The following GALNT13 variants were observed in gnomAD, a reference collection of about 807,000 sequenced individuals.
The protein encoded by GALNT13 is polypeptide N-acetylgalactosaminyltransferase 13.
In GALNT13, 28 loss-of-function variants were observed where a neutral mutation model predicts 64.2. That is an observed-to-expected ratio of 0.44 (90% CI 0.32 to 0.60). GALNT13 has a LOEUF of 0.60. Among genes scored for constraint, GALNT13 ranks in the 20% least tolerant of loss-of-function variants. The probability of loss-of-function intolerance (pLI) is 0.05; values close to 1 mark genes in which losing one functional copy is unlikely to be tolerated. For missense variants in GALNT13, 577 were observed against 669.8 expected (o/e 0.86, Z 1.53); for synonymous variants, 214 against 224.6 (o/e 0.95, Z 0.42).
the GALNT13 span, among the ~76,000 whole-genome samples, chr2:153,158,711 A>G: frequency 2.0e-5 from 3 of 152,178 alleles, no homozygotes; most frequent in Non-Finnish European, 2.9e-5. Context: ...ATTCTATTGT[A>G]TGGGATCTTT....
chr2:153,116,361 T>C, the GALNT13 span, among the ~76,000 whole-genome samples: 4 of 152,108 alleles, frequency 2.6e-5, no homozygotes, highest in Non-Finnish European at 4.4e-5. Flanking sequence ...CTGGAACATA[T>C]AATGTATATT....
chr2:153,082,950 T>C, the GALNT13 span, among the ~76,000 whole-genome samples: 2 of 151,686 alleles, frequency 1.3e-5, no homozygotes, highest in East Asian at 3.9e-4. Context: ...TGCCTCAGCC[T>C]CCCAAGTGTC....
chr2:153,672,882 A>C, the GALNT13 span, among the ~76,000 whole-genome samples: 1 of 152,120 alleles, frequency 6.6e-6, no homozygotes, highest in South Asian at 2.1e-4. Flanking sequence ...GGATATCACT[A>C]CTGATCCCAC....
intron 2 of GALNT13, among the ~76,000 whole-genome samples, chr2:153,941,860 A>C (rs1691361732): frequency 6.6e-6 from 1 of 152,184 alleles, no homozygotes; most frequent in Non-Finnish European, 1.5e-5. Context: ...TTAAACAGCA[A>C]CTTAGTTTTT....
At chr2:153,203,670 A>G in the GALNT13 span, among the ~76,000 whole-genome samples, 271 of 152,298 alleles carry the variant, frequency 1.8e-3, 7 homozygotes, top group East Asian at 0.047. Flanking sequence ...ACAGTTGCCT[A>G]AGACTAATTT....
chr2:153,693,795 G>A, the GALNT13 span, among the ~76,000 whole-genome samples: 1 of 151,966 alleles, frequency 6.6e-6, no homozygotes, highest in African/African-American at 2.4e-5. Context: ...TTCATCTCAC[G>A]CTCAGTAAAT....
At chr2:154,374,084 C>G (rs992074762) in intron 9 of GALNT13, among the ~76,000 whole-genome samples, 1 of 152,130 alleles carries the variant, frequency 6.6e-6, no homozygotes, top group African/African-American at 2.4e-5. Flanking sequence ...TCTTCCTTTC[C>G]CGGCTTTCTT....
chr2:153,069,161 C>T, the GALNT13 span, among the ~76,000 whole-genome samples: 2 of 152,158 alleles, frequency 1.3e-5, no homozygotes, highest in Admixed American at 6.6e-5. Flanking sequence ...TGTGTGCTGC[C>T]TTTCAGATTC....
the GALNT13 span, among the ~76,000 whole-genome samples, chr2:153,447,188 C>T: frequency 6.6e-6 from 1 of 152,212 alleles, no homozygotes; most frequent in Non-Finnish European, 1.5e-5. Flanking sequence ...ATTATTGCAC[C>T]TAAACTGATG....
the GALNT13 span, among the ~76,000 whole-genome samples, chr2:153,201,252 G>A: frequency 2.6e-5 from 4 of 152,136 alleles, no homozygotes; most frequent in Non-Finnish European, 4.4e-5. Flanking sequence ...GGATTCTGCT[G>A]CTTGGTGGGT....
chr2:154,447,532 A>G (rs1233905901), intron 12 of GALNT13, among the ~76,000 whole-genome samples: 1 of 151,990 alleles, frequency 6.6e-6, no homozygotes, highest in Non-Finnish European at 1.5e-5. Context: ...TAAAGAGTGT[A>G]TTATCCAATA....
At chr2:153,248,706 C>T in the GALNT13 span, among the ~76,000 whole-genome samples, 15 of 151,652 alleles carry the variant, frequency 9.9e-5, no homozygotes, top group African/African-American at 3.4e-4. Context: ...GTCCCAGCTA[C>T]TCAGGAGGCT....
the GALNT13 span, among the ~76,000 whole-genome samples, chr2:153,725,429 A>C: frequency 2.0e-5 from 3 of 151,228 alleles, no homozygotes; most frequent in East Asian, 1.9e-4. Flanking sequence ...CACAATGTGC[A>C]CATGTACCCT....
intron 2 of GALNT13, among the ~76,000 whole-genome samples, chr2:153,907,823 G>T (rs1268285387): frequency 6.6e-6 from 1 of 152,016 alleles, no homozygotes; most frequent in African/African-American, 2.4e-5. Flanking sequence ...GGGCATTTAG[G>T]TTGATTCCAT....
At chr2:153,125,665 A>C in the GALNT13 span, among the ~76,000 whole-genome samples, 2 of 152,212 alleles carry the variant, frequency 1.3e-5, no homozygotes, top group African/African-American at 4.8e-5. Flanking sequence ...GCAGATCTAT[A>C]AGCATTAATG....
At chr2:153,104,637 T>C in the GALNT13 span, among the ~76,000 whole-genome samples, 1 of 152,286 alleles carries the variant, frequency 6.6e-6, no homozygotes, top group African/African-American at 2.4e-5. Flanking sequence ...CAAATGGAAG[T>C]TAGACTTACT....
the GALNT13 span, among the ~76,000 whole-genome samples, chr2:153,164,551 A>G: frequency 9.9e-5 from 15 of 152,156 alleles, 1 homozygote; most frequent in Admixed American, 5.2e-4. Context: ...ATATATTTTG[A>G]TGTATCTGGA....
chr2:153,793,079 G>A, the GALNT13 span, among the ~76,000 whole-genome samples: 28 of 146,184 alleles, frequency 1.9e-4, no homozygotes, highest in African/African-American at 7.1e-4. Flanking sequence ...TCAAGTGATT[G>A]TCCTGCCTCA....
the GALNT13 span, among the ~76,000 whole-genome samples, chr2:153,302,560 G>A: frequency 6.6e-6 from 1 of 152,052 alleles, no homozygotes; most frequent in South Asian, 2.1e-4. Flanking sequence ...CTGTTCAGAA[G>A]CTTTTTAGTT....
Sources: allele counts gnomAD v4.1 joint callset (sites outside exome capture counted in the v4.1 genomes callset), GRCh38; gene constraint gnomAD v4.1.1; transcripts MANE v1.5; gene names NCBI Gene and HGNC (gene_info 2026-07-23, HGNC 2026-07-21).